RAG1: variants seen among roughly 807,000 people sequenced by gnomAD.
RAG1 encodes V(D)J recombination-activating protein 1.
A neutral mutation model predicts 62.7 loss-of-function variants in RAG1; 35 were observed. The ratio of observed to expected loss-of-function variants is 0.56; its 90% confidence interval spans 0.43 to 0.74. The LOEUF is 0.74. RAG1 is among the 30% of genes least tolerant of loss of function. RAG1 has a pLI of 0.00. For missense variants in RAG1, 1,169 were observed against 1,278.6 expected (o/e 0.91, Z 1.31); for synonymous variants, 461 against 470.3 (o/e 0.98, Z 0.26).
rs148763154 is a variant in RAG1 at position 36,575,485 on chromosome 11, C to G, written c.2181C>G (p.Val727=). Residue 727 remains valine, a synonymous_variant, in exon 2 of 2, where the codon GTC becomes GTG. Coordinates refer to ENST00000299440, the MANE Select transcript of RAG1 (RefSeq NM_000448.3). This position sits in a 1 kb window ranked among gnomAD's most constrained non-coding sequence, Gnocchi z 4.1. ...AAGGCCTCGAGGCTTCTGGCTCAGT[C>G]TACATTTGTACTCTTTGTGATGCCA... is the stretch of plus-strand genomic sequence containing the variant. ...EVEGLEASGS[V]YICTLCDATR... 1.7e-5 allele frequency: 28 copies of G among 1,614,044 alleles called. No homozygotes were observed. The highest frequency in any genetic ancestry group is 2.2e-5 in the Non-Finnish European group (26 of 1,180,028).
In RAG1 at chr11:36,575,887, G is replaced by C. The variant is rs764967774; in HGVS notation, c.2583G>C (p.Met861Ile). 6 of 1,614,182 alleles carry C rather than the reference G, an allele frequency of 3.7e-6. No homozygotes were observed. Among genetic ancestry groups the C allele is most frequent in the Middle Eastern group, 1.6e-4 (1 of 6,062 alleles). Reference sequence around the variant, plus strand: ...ATGGCAACTTTGCCAGGAAGCTCATGACCAAAGAGACTGTGGATGCAGTTT... The same window carrying C: ...ATGGCAACTTTGCCAGGAAGCTCATCACCAAAGAGACTGTGGATGCAGTTT... ...RMNGNFARKL[M>I]TKETVDAVCE... The change falls in exon 2 of 2, where the codon ATG becomes ATC. Residue 861 changes from methionine to isoleucine, a missense_variant. By Grantham distance (10) the Met-to-Ile change is conservative (BLOSUM62 1). Around this residue, in one of 2 missense-constraint regions of RAG1, gnomAD observed 800 missense variants for 943.3 expected, o/e 0.85. Transcript: ENST00000299440. This position sits in a 1 kb window ranked among gnomAD's most constrained non-coding sequence, Gnocchi z 4.1.
chr11:36,567,749 G>A (rs1850681290), upstream of RAG1, among the ~76,000 whole-genome samples: 1 of 152,186 alleles, frequency 6.6e-6, no homozygotes, highest in Non-Finnish European at 1.5e-5. Flanking sequence ...AAAAGCTGGG[G>A]CTTATACTGA....
chr11:36,569,185 A>G (rs892910746), intron 1 of RAG1, among the ~76,000 whole-genome samples: 1 of 152,220 alleles, frequency 6.6e-6, no homozygotes, highest in Non-Finnish European at 1.5e-5. Context: ...ATCACTCACC[A>G]GAAACTACTG....
At chr11:36,558,337 T>C (rs1376925234) in intron 3 of RAG1, among the ~76,000 whole-genome samples, 1 of 152,224 alleles carries the variant, frequency 6.6e-6, no homozygotes, top group Non-Finnish European at 1.5e-5. Context: ...TTTTCTATTT[T>C]GATAATCTGT....
chr11:36,562,665 T>G (rs1850606567), intron 3 of RAG1, among the ~76,000 whole-genome samples: 1 of 152,156 alleles, frequency 6.6e-6, no homozygotes, highest in Admixed American at 6.5e-5. Context: ...GGTGGGTGGA[T>G]GAAGGAAATG....
At chr11:36,526,611 T>C (rs1860167184) in intron 2 of RAG1, among the ~76,000 whole-genome samples, 3 of 152,226 alleles carry the variant, frequency 2.0e-5, no homozygotes, top group African/African-American at 7.2e-5. Context: ...ATGGGATTGC[T>C]AGTTCAAATG....
chr11:36,565,101 G>A (rs1168428830), upstream of RAG1, among the ~76,000 whole-genome samples: 2 of 152,186 alleles, frequency 1.3e-5, no homozygotes, highest in South Asian at 2.1e-4. Flanking sequence ...TTTCAAATTG[G>A]TGATGTTAGA....
intron 2 of RAG1, among the ~76,000 whole-genome samples, chr11:36,524,854 T>G (rs1029646512): frequency 6.6e-6 from 1 of 152,232 alleles, no homozygotes; most frequent in Admixed American, 6.5e-5. Flanking sequence ...TTTCATGTAC[T>G]TATTTGCCAT....
chr11:36,529,362 C>G (rs993155221), intron 2 of RAG1, among the ~76,000 whole-genome samples: 1 of 152,116 alleles, frequency 6.6e-6, no homozygotes, highest in Admixed American at 6.6e-5. Flanking sequence ...TAAACGTAAT[C>G]CCTCACGTAA....
chr11:36,558,357 A>G (rs1850532588), intron 3 of RAG1, among the ~76,000 whole-genome samples: 1 of 152,322 alleles, frequency 6.6e-6, no homozygotes, highest in South Asian at 2.1e-4. Context: ...TTAAATGCTA[A>G]TACAGTAGGC....
chr11:36,521,947 A>G (rs10768215), intron 2 of RAG1, among the ~76,000 whole-genome samples: 75,375 of 151,948 alleles, frequency 0.5, 21,578 homozygotes, highest in East Asian at 0.72. Flanking sequence ...TATCTGGTGG[A>G]AGAAATTTCT....
At chr11:36,548,636 TG>T (rs1305922218) in intron 3 of RAG1, among the ~76,000 whole-genome samples, 1 of 152,160 alleles carries the variant, frequency 6.6e-6, no homozygotes, top group Admixed American at 6.5e-5. Context: ...CACAAACAAA[TG>T]GCAAAACATT....
chr11:36,572,880 A>C (rs959570264), intron 1 of RAG1, among the ~76,000 whole-genome samples: 1 of 152,228 alleles, frequency 6.6e-6, no homozygotes, highest in African/African-American at 2.4e-5. Context: ...AGGCTAATAC[A>C]ATGTGGAAAA....
rs1850775623 is a variant in RAG1 at position 36,573,304 on chromosome 11, C to T, written c.-1C>T. 2 of 1,614,034 alleles carry T rather than the reference C, an allele frequency of 1.2e-6. No individual in the cohort carries two copies. Among genetic ancestry groups the T allele is most frequent in the African/African-American group, 2.7e-5 (2 of 74,926 alleles). ...CATTGTTCTCAGGTACCTCAGCCAG[C>T]ATGGCAGCCTCTTTCCCACCCACCT... is the stretch of plus-strand genomic sequence containing the variant. On this transcript the variant is annotated 5_prime_UTR_variant, in exon 2 of 2. Coordinates refer to ENST00000299440, the MANE Select transcript of RAG1 (RefSeq NM_000448.3).
intron 2 of RAG1, among the ~76,000 whole-genome samples, chr11:36,527,209 C>T (rs1054052288): frequency 1.3e-5 from 2 of 151,950 alleles, no homozygotes; most frequent in East Asian, 1.9e-4. Flanking sequence ...GGGTTTTTAA[C>T]GTTTTAGGCC....
rs561738417 is a variant in RAG1 at position 36,579,157 on chromosome 11, A to G, written c.*2721A>G. ...AGATTTTTTTCCCACAAGATACAGA[A>G]GAAGATAAAGATTTTTTTGGTTGAG... On this transcript the variant is annotated 3_prime_UTR_variant, in exon 2 of 2. Transcript: ENST00000299440. 1 of 167,194 alleles carries G rather than the reference A, an allele frequency of 6.0e-6. No individual in the cohort carries two copies. Among genetic ancestry groups the G allele is most frequent in the South Asian group, 2.1e-4 (1 of 4,828 alleles). The allele number at this position is 167,194 out of a possible 1,614,324, so 10.4% of individuals were successfully genotyped here.
chr11:36,562,859 G>A (rs774059708), intron 3 of RAG1, among the ~76,000 whole-genome samples: 2 of 152,116 alleles, frequency 1.3e-5, no homozygotes, highest in Non-Finnish European at 2.9e-5. Context: ...CCAACTTGAA[G>A]CCAGCAGATT....
chr11:36,566,878 G>A (rs937138402), upstream of RAG1, among the ~76,000 whole-genome samples: 2 of 152,218 alleles, frequency 1.3e-5, no homozygotes, highest in Non-Finnish European at 2.9e-5. Flanking sequence ...TGTAAGAGGA[G>A]CGTCGAATGA....
intron 3 of RAG1, among the ~76,000 whole-genome samples, chr11:36,558,233 G>T (rs940582234): frequency 6.6e-6 from 1 of 152,180 alleles, no homozygotes; most frequent in Non-Finnish European, 1.5e-5. Flanking sequence ...CTGATGAGAA[G>T]GTTGTGTATT....
Sources: gnomAD v4.1 joint callset for allele counts (sites outside exome capture counted in the v4.1 genomes callset) on GRCh38, gnomAD v4.1.1 for gene constraint, gnomAD v4.1.1 regional missense constraint, Gnocchi (gnomAD v3.1) non-coding constraint, MANE v1.5 for transcripts, NCBI Gene and HGNC (gene_info 2026-07-23, HGNC 2026-07-21) for gene names.